Variants in POU2F2 observed in about 807,000 individuals in gnomAD.
POU2F2 encodes POU domain, class 2, transcription factor 2.
A neutral mutation model predicts 63.5 loss-of-function variants in POU2F2; 14 were observed. That is an observed-to-expected ratio of 0.22 (90% CI 0.15 to 0.34). The LOEUF (loss-of-function observed/expected upper bound fraction) is 0.34, where lower values mean the gene tolerates loss of function less well. Among genes scored for constraint, POU2F2 ranks in the 10% least tolerant of loss-of-function variants. The pLI is 1.00. For synonymous variants in POU2F2, 306 were observed against 348.6 expected (o/e 0.88, Z 1.36); for missense variants, 607 against 815.2 (o/e 0.74, Z 3.11).
In POU2F2 at chr19:42,092,374, A is replaced by G; in HGVS notation, c.1265-104T>C. 1.1e-6 allele frequency: 1 copy of G among 879,842 alleles called. No homozygotes were observed. Among genetic ancestry groups the G allele is most frequent in the East Asian group, 2.6e-5 (1 of 38,018 alleles). The allele number at this position is 879,842 out of a possible 1,614,324, so 54.5% of individuals were successfully genotyped here. ...TGTCCTCCCGCCCAGCTCACGCAGC[A>G]TCTCCTCAGTCAGAACAGCCTTAGA... On this transcript the variant is annotated intron_variant, in intron 12 of 14. Transcript: ENST00000692977. This position sits in a 1 kb window ranked among gnomAD's most constrained non-coding sequence, Gnocchi z 5.0.
intron 1 of POU2F2, among the ~76,000 whole-genome samples, chr19:42,128,859 G>A (rs1292842155): frequency 6.6e-6 from 1 of 150,842 alleles, no homozygotes; most frequent in Non-Finnish European, 1.5e-5. Flanking sequence ...TTTAGACAGA[G>A]TCTCACTCTG....
At chr19:42,194,313 T>C (rs1006022458) in intron 1 of POU2F2, among the ~76,000 whole-genome samples, 1 of 151,892 alleles carries the variant, frequency 6.6e-6, no homozygotes, top group Admixed American at 6.6e-5. Flanking sequence ...GCCCAGGAGT[T>C]TGAGGTTACA....
intron 2 of POU2F2, among the ~76,000 whole-genome samples, chr19:42,159,590 G>T (rs2034517316): frequency 6.6e-6 from 1 of 152,156 alleles, no homozygotes; most frequent in Admixed American, 6.5e-5. Flanking sequence ...AAGCAAGCTG[G>T]AGCAAACACC....
At chr19:42,187,874 C>CTG (rs2035030477) in intron 1 of POU2F2, among the ~76,000 whole-genome samples, 1 of 151,848 alleles carries the variant, frequency 6.6e-6, no homozygotes, top group Non-Finnish European at 1.5e-5. Context: ...ATTATGGAGG[C>CTG]TGTGGTAGGC....
At chr19:42,112,539 T>A (rs2031268846) in intron 5 of POU2F2, among the ~76,000 whole-genome samples, 1 of 152,098 alleles carries the variant, frequency 6.6e-6, no homozygotes, top group Non-Finnish European at 1.5e-5. Context: ...CCGGCTAATT[T>A]TTGTACTTTT....
At position 42,152,284 on chromosome 19, in the gene POU2F2, C is replaced by T. The variant is rs1036908126; in HGVS notation, c.-9+8048G>A. On this transcript the variant is annotated intron_variant, in intron 2 of 6. Transcript: ENST00000524801. The surrounding 1 kb of genome is among the most constrained non-coding windows in gnomAD (Gnocchi z 4.1). ...CTGAGGTGACTCTCGGGGAGAGGGCCGCAGCGAAGAAGAAGAGGGGGAGAA... is the reference window on the plus strand; with the variant it reads ...CTGAGGTGACTCTCGGGGAGAGGGCTGCAGCGAAGAAGAAGAGGGGGAGAA... Among the ~76,000 whole-genome samples, 13 of 151,968 alleles carry T rather than the reference C, an allele frequency of 8.6e-5. No homozygotes were observed. The highest frequency in any genetic ancestry group is 5.2e-4 in the Admixed American group (8 of 15,268).
chr19:42,157,051 A>C (rs1390757752), intron 2 of POU2F2: 3 of 152,320 alleles, frequency 2.0e-5, no homozygotes, highest in East Asian at 3.8e-4. Context: ...ATGGAAGGAC[A>C]GAAGGGAAGG....
intron 1 of POU2F2, among the ~76,000 whole-genome samples, chr19:42,194,906 AAGG>A (rs2035115674): frequency 8.3e-6 from 1 of 120,624 alleles, no homozygotes; most frequent in African/African-American, 3.3e-5. Flanking sequence ...GGAGGGAGGG[AAGG>A]AGGAAGGAAG....
At position 42,116,799 on chromosome 19, in the gene POU2F2, C is replaced by A. The variant is rs557534957; in HGVS notation, c.369+451G>T. 5.1e-5 allele frequency: 19 copies of A among 372,514 alleles called. No homozygotes were observed. In the East Asian group the frequency reaches 1.5e-3, roughly 29 times the overall value. 23.1% of individuals were successfully genotyped at this position (372,514 alleles called of 1,614,324 possible). A position where few individuals can be genotyped will look rare whatever the true frequency, so the allele number is the denominator to read the frequency against. The stretch of plus-strand genomic sequence containing the variant: ...GCTGTGGTGGTGGCAGGTCACCCCC[C>A]CCAGAGGAGGCTGGGGGCTGTGAGG... On this transcript the variant is annotated intron_variant, in intron 5 of 14. Coordinates refer to ENST00000692977, the MANE Select transcript of POU2F2 (RefSeq NM_001394376.1).
chr19:42,142,256 T>A (rs1015928019), intron 2 of POU2F2, among the ~76,000 whole-genome samples: 2 of 152,106 alleles, frequency 1.3e-5, no homozygotes, highest in African/African-American at 4.8e-5. Flanking sequence ...AGTGGTGTGA[T>A]CTTGGCTCAC....
intron 2 of POU2F2, among the ~76,000 whole-genome samples, chr19:42,143,834 T>TA (rs1365893972): frequency 1.3e-5 from 2 of 152,266 alleles, no homozygotes; most frequent in East Asian, 3.9e-4. Flanking sequence ...GAATTACACT[T>TA]AAACACCCCC....
intron 2 of POU2F2, among the ~76,000 whole-genome samples, chr19:42,149,153 T>A (rs1026235995): frequency 6.6e-6 from 1 of 151,882 alleles, no homozygotes; most frequent in Non-Finnish European, 1.5e-5. Flanking sequence ...ACCCTTGGAG[T>A]AGCTCGCTTT....
chr19:42,124,314 A>G (rs898553660), intron 1 of POU2F2, among the ~76,000 whole-genome samples: 6 of 151,764 alleles, frequency 4.0e-5, no homozygotes, highest in African/African-American at 1.5e-4. Context: ...AAAAAAAAAA[A>G]AAAAGAAAAA....
intron 2 of POU2F2, among the ~76,000 whole-genome samples, chr19:42,147,650 G>A (rs1456300870): frequency 2.6e-5 from 4 of 152,200 alleles, no homozygotes; most frequent in African/African-American, 7.2e-5. Context: ...ACCTGAGGCA[G>A]AGTACTTAAG....
intron 1 of POU2F2, among the ~76,000 whole-genome samples, chr19:42,182,241 A>AG (rs1421998415): frequency 1.9e-4 from 24 of 128,894 alleles, no homozygotes; most frequent in Non-Finnish European, 2.6e-4. Context: ...CTCTGTCTCA[A>AG]AAGAGAGAGA....
chr19:42,192,946 C>T lies in POU2F2; in HGVS notation c.-70+3437G>A, dbSNP rs371605561. The stretch of plus-strand genomic sequence containing the variant: ...AGAAAAATTTCCTGCAAAAGCCAGG[C>T]GCGGTGGCTCACGCCTGTAATCCCA... On this transcript the variant is annotated intron_variant, in intron 1 of 5. Coordinates refer to the POU2F2 transcript ENST00000532176. Among the ~76,000 whole-genome samples, 20 of 152,086 alleles carry T rather than the reference C, an allele frequency of 1.3e-4. 1 individual carries two copies. Among genetic ancestry groups the T allele is most frequent in the East Asian group, 9.7e-4 (5 of 5,172 alleles).
chr19:42,102,590 T>TC (rs2077185460), intron 5 of POU2F2, among the ~76,000 whole-genome samples: 1 of 141,994 alleles, frequency 7.0e-6, no homozygotes, highest in Non-Finnish European at 1.5e-5. Flanking sequence ...GACCCCCATC[T>TC]CAAAAAAAAA....
chr19:42,130,139 G>A (rs1385550302), intron 1 of POU2F2, among the ~76,000 whole-genome samples: 7 of 152,044 alleles, frequency 4.6e-5, no homozygotes, highest in South Asian at 2.1e-4. Context: ...TCACACACCC[G>A]GAGTCGAACA....
intron 1 of POU2F2, among the ~76,000 whole-genome samples, chr19:42,171,275 C>T (rs1317867508): frequency 6.6e-6 from 1 of 152,036 alleles, no homozygotes; most frequent in African/African-American, 2.4e-5. Context: ...ATGGCTATAG[C>T]TGTGCTTTAA....
Sources: gnomAD v4.1 joint callset for allele counts (sites outside exome capture counted in the v4.1 genomes callset) on GRCh38, gnomAD v4.1.1 for gene constraint, Gnocchi (gnomAD v3.1) non-coding constraint, MANE v1.5 for transcripts, NCBI Gene and HGNC (gene_info 2026-07-23, HGNC 2026-07-21) for gene names.